Variants in SLC24A2 observed in about 807,000 individuals in gnomAD.
The protein encoded by SLC24A2 is solute carrier family 24 member 2.
SLC24A2 carries 36 observed loss-of-function variants against 62.0 expected under a neutral mutation model. That is an observed-to-expected ratio of 0.58 (90% CI 0.44 to 0.77). SLC24A2 has a LOEUF of 0.77. SLC24A2 is among the 30% of genes least tolerant of loss of function. SLC24A2 has a pLI of 0.00. For synonymous variants in SLC24A2, 358 were observed against 294.0 expected, an observed-to-expected ratio of 1.22 and a Z score of -2.23; for missense variants, 846 against 817.9, an observed-to-expected ratio of 1.03 and a Z score of -0.42.
At chr9:20,254,048 G>A in the SLC24A2 span, among the ~76,000 whole-genome samples, 1 of 152,192 alleles carries the variant, frequency 6.6e-6, no homozygotes, top group African/African-American at 2.4e-5. Context: ...GTGGGGTGCA[G>A]AGAAGCAGAA....
intron 10 of SLC24A2, among the ~76,000 whole-genome samples, chr9:19,520,079 A>C (rs186382412): frequency 1.6e-4 from 24 of 152,300 alleles, no homozygotes; most frequent in Admixed American, 1.5e-3. Flanking sequence ...GAAAAACAAT[A>C]TGGTCATGGA....
chr9:20,270,809 T>G, the SLC24A2 span, among the ~76,000 whole-genome samples: 1 of 152,238 alleles, frequency 6.6e-6, no homozygotes, highest in East Asian at 1.9e-4. Flanking sequence ...AACAAAAATG[T>G]TTTTATACAA....
the SLC24A2 span, among the ~76,000 whole-genome samples, chr9:20,198,103 C>T: frequency 1.3e-5 from 2 of 152,198 alleles, no homozygotes; most frequent in African/African-American, 4.8e-5. Context: ...ACCAAGGCTC[C>T]ACACCAGATG....
At chr9:19,624,130 C>T (rs1403157222) in intron 2 of SLC24A2, among the ~76,000 whole-genome samples, 1 of 152,194 alleles carries the variant, frequency 6.6e-6, no homozygotes, top group Non-Finnish European at 1.5e-5. Context: ...GACAGCTCAA[C>T]AAATGGCCTC....
the SLC24A2 span, among the ~76,000 whole-genome samples, chr9:19,897,544 C>A: frequency 6.6e-6 from 1 of 151,892 alleles, no homozygotes; most frequent in South Asian, 2.1e-4. Flanking sequence ...GTATTTTTAC[C>A]TTGAAAGTCC....
intron 2 of SLC24A2, among the ~76,000 whole-genome samples, chr9:19,695,679 C>CAAAAA (rs66668393): frequency 6.8e-5 from 5 of 73,540 alleles, no homozygotes; most frequent in South Asian, 6.6e-4. Flanking sequence ...TTGTTAGTAG[C>CAAAAA]AAAAAAAAAA....
the SLC24A2 span, among the ~76,000 whole-genome samples, chr9:19,944,431 AAAG>A: frequency 6.6e-6 from 1 of 151,114 alleles, no homozygotes; most frequent in African/African-American, 2.5e-5. Flanking sequence ...ATCTAGAATA[AAAG>A]TAGTAGTAAA....
the SLC24A2 span, among the ~76,000 whole-genome samples, chr9:20,268,624 C>T: frequency 6.6e-6 from 1 of 152,188 alleles, no homozygotes; most frequent in South Asian, 2.1e-4. Flanking sequence ...GCCCCTCAGT[C>T]TTGGACTTTT....
chr9:20,185,438 G>A, the SLC24A2 span, among the ~76,000 whole-genome samples: 1 of 151,994 alleles, frequency 6.6e-6, no homozygotes, highest in Non-Finnish European at 1.5e-5. Flanking sequence ...GGCCGAGGTG[G>A]GCGGATCAAG....
chr9:20,157,090 T>C, the SLC24A2 span, among the ~76,000 whole-genome samples: 23 of 151,862 alleles, frequency 1.5e-4, no homozygotes, highest in South Asian at 6.2e-4. Flanking sequence ...TATTAATTCA[T>C]TTGTTGCACA....
chr9:19,645,753 A>C, intron 2 of SLC24A2, among the ~76,000 whole-genome samples: 1 of 152,232 alleles, frequency 6.6e-6, no homozygotes, highest in Non-Finnish European at 1.5e-5. Context: ...TCTGCAAGAA[A>C]GAAGACTTTG....
chr9:19,799,689 C>T, the SLC24A2 span, among the ~76,000 whole-genome samples: 2 of 152,156 alleles, frequency 1.3e-5, no homozygotes, highest in Non-Finnish European at 1.5e-5. Flanking sequence ...CAGCATGGCT[C>T]GTAATGAAGT....
the SLC24A2 span, among the ~76,000 whole-genome samples, chr9:20,120,320 G>T: frequency 6.6e-6 from 1 of 152,066 alleles, no homozygotes; most frequent in Non-Finnish European, 1.5e-5. Context: ...GCCCATAAAT[G>T]GTGGCCTGGA....
chr9:20,074,351 T>C, the SLC24A2 span, among the ~76,000 whole-genome samples: 9 of 151,908 alleles, frequency 5.9e-5, no homozygotes, highest in Non-Finnish European at 1.3e-4. Context: ...GCCTAAGAAA[T>C]TGACATGGCA....
chr9:19,716,485 A>G (rs1156902013), intron 2 of SLC24A2, among the ~76,000 whole-genome samples: 1 of 152,182 alleles, frequency 6.6e-6, no homozygotes, highest in Admixed American at 6.5e-5. Flanking sequence ...GGCTTTCAGT[A>G]AATTTTGTTT....
chr9:19,622,361 T>A (rs1028962966), intron 2 of SLC24A2, 62 bp from the exon 3 acceptor site: 13 of 1,484,780 alleles, frequency 8.8e-6, no homozygotes, highest in Non-Finnish European at 1.1e-5. Context: ...GAATCACATA[T>A]GGCATTTACA....
At chr9:20,235,702 G>T in the SLC24A2 span, among the ~76,000 whole-genome samples, 2 of 152,156 alleles carry the variant, frequency 1.3e-5, no homozygotes, top group Non-Finnish European at 2.9e-5. Context: ...GCCTTGCCCT[G>T]CTTCGGCTCG....
the SLC24A2 span, among the ~76,000 whole-genome samples, chr9:20,283,449 G>A: frequency 1.3e-5 from 2 of 152,072 alleles, no homozygotes; most frequent in African/African-American, 4.8e-5. Context: ...CCTCCAGTCG[G>A]GCCTCTGCAG....
intron 2 of SLC24A2, among the ~76,000 whole-genome samples, chr9:19,710,140 C>G (rs930740512): frequency 3.3e-5 from 5 of 152,106 alleles, no homozygotes; most frequent in African/African-American, 9.7e-5. Flanking sequence ...CTTTACAAGT[C>G]AACTCCATTT....
Sources: gnomAD v4.1 joint callset for allele counts (sites outside exome capture counted in the v4.1 genomes callset) on GRCh38, gnomAD v4.1.1 for gene constraint, MANE v1.5 for transcripts, NCBI Gene and HGNC (gene_info 2026-07-23, HGNC 2026-07-21) for gene names.